The following LRFN2 variants were observed in gnomAD, a reference collection of about 807,000 sequenced individuals.
LRFN2 encodes the protein leucine-rich repeat and fibronectin type-III domain-containing protein 2.
Under a neutral mutation model 37.3 loss-of-function variants are expected in LRFN2, and 18 were observed. The ratio of observed to expected loss-of-function variants is 0.48; its 90% CI spans 0.33 to 0.72. The LOEUF (loss-of-function observed/expected upper bound fraction) is 0.72, where lower values mean the gene tolerates loss of function less well. Ranked by LOEUF, LRFN2 falls within the 30% of genes least tolerant of loss-of-function variation. The pLI, the probability that LRFN2 is intolerant of heterozygous loss-of-function variation, is 0.02. For synonymous variants in LRFN2, 556 were observed against 466.6 expected (o/e 1.19, Z -2.47); for missense variants, 1,006 against 1,060.7 (o/e 0.95, Z 0.72).
chr6:40,518,825 G>T (rs1765963286), intron 1 of LRFN2, among the ~76,000 whole-genome samples: 1 of 152,200 alleles, frequency 6.6e-6, no homozygotes, highest in South Asian at 2.1e-4. Context: ...AAACTGTGGT[G>T]CATGTTACCC....
chr6:40,437,889 A>G (rs975172246), intron 1 of LRFN2, among the ~76,000 whole-genome samples: 1 of 152,198 alleles, frequency 6.6e-6, no homozygotes, highest in Non-Finnish European at 1.5e-5. Context: ...TGGGCTCACA[A>G]CAGAATATTC....
At chr6:40,422,111 G>C (rs773622637) in intron 2 of LRFN2, among the ~76,000 whole-genome samples, 5 of 152,174 alleles carry the variant, frequency 3.3e-5, no homozygotes, top group Non-Finnish European at 7.3e-5. Flanking sequence ...AATGCACATG[G>C]TGTTTTGTTT....
chr6:40,532,930 A>G (rs1312037461), intron 1 of LRFN2, among the ~76,000 whole-genome samples: 1 of 152,206 alleles, frequency 6.6e-6, no homozygotes, highest in African/African-American at 2.4e-5. Flanking sequence ...TCCGTAGCTT[A>G]GTTCACCTGG....
At chr6:40,424,643 A>G (rs1424010749) in intron 2 of LRFN2, among the ~76,000 whole-genome samples, 1 of 152,178 alleles carries the variant, frequency 6.6e-6, no homozygotes, top group African/African-American at 2.4e-5. Context: ...GCTCTGACCA[A>G]GGAGCTGCCT....
At chr6:40,532,919 A>T (rs1766373721) in intron 1 of LRFN2, among the ~76,000 whole-genome samples, 1 of 152,186 alleles carries the variant, frequency 6.6e-6, no homozygotes, top group Admixed American at 6.5e-5. Context: ...GCTTCATCAC[A>T]TCCGTAGCTT....
At chr6:40,524,101 A>G (rs1453489449) in intron 1 of LRFN2, among the ~76,000 whole-genome samples, 1 of 152,250 alleles carries the variant, frequency 6.6e-6, no homozygotes, top group Non-Finnish European at 1.5e-5. Context: ...ACAGGGGTAC[A>G]GGAAAACTGG....
chr6:40,431,094 TTCTC>T (rs142703901), intron 2 of LRFN2, among the ~76,000 whole-genome samples: 2 of 152,030 alleles, frequency 1.3e-5, no homozygotes, highest in African/African-American at 4.8e-5. Flanking sequence ...CTCCCTCCCT[TTCTC>T]TCTCTCTTTT....
At position 40,391,745 on chromosome 6, in the gene LRFN2, C is replaced by T. The variant is rs1246618540; in HGVS notation, c.*198G>A. The T allele has an allele frequency of 1.6e-5, 8 of 499,778 alleles. No homozygotes were observed. Among genetic ancestry groups the T allele is most frequent in the Non-Finnish European group, 2.7e-5 (8 of 293,972 alleles). 31.0% of individuals were successfully genotyped at this position (499,778 alleles called of 1,614,324 possible). On this transcript the variant is annotated 3_prime_UTR_variant, in exon 3 of 3. Coordinates refer to ENST00000338305, the MANE Select transcript of LRFN2 (RefSeq NM_020737.3). The stretch of plus-strand genomic sequence containing the variant: ...TCCGGCATTTGAGCGAGTCCACATT[C>T]CCTGAGCACACCCCGGCCGGGTGGT...
intron 2 of LRFN2, among the ~76,000 whole-genome samples, chr6:40,404,580 T>G (rs1762806004): frequency 6.6e-6 from 1 of 152,230 alleles, no homozygotes; most frequent in African/African-American, 2.4e-5. Flanking sequence ...AGTGCCACTG[T>G]GTGACATTTC....
intron 1 of LRFN2, among the ~76,000 whole-genome samples, chr6:40,544,468 C>T (rs1766617978): frequency 6.6e-6 from 1 of 152,206 alleles, no homozygotes; most frequent in African/African-American, 2.4e-5. Flanking sequence ...CATGTGTGTG[C>T]CTGTGTTCCC....
chr6:40,398,845 C>T (rs1331677815), intron 2 of LRFN2, among the ~76,000 whole-genome samples: 1 of 151,850 alleles, frequency 6.6e-6, no homozygotes, highest in Non-Finnish European at 1.5e-5. Context: ...ATTGTTCATT[C>T]AGCTTAACAC....
intron 1 of LRFN2, among the ~76,000 whole-genome samples, chr6:40,511,688 A>G (rs999468383): frequency 2.0e-5 from 3 of 152,174 alleles, no homozygotes; most frequent in Non-Finnish European, 4.4e-5. Flanking sequence ...AGAGGGAGGA[A>G]GGGCAGGGCA....
intron 1 of LRFN2, among the ~76,000 whole-genome samples, chr6:40,507,096 A>G (rs1765564412): frequency 6.6e-6 from 1 of 152,216 alleles, no homozygotes; most frequent in Non-Finnish European, 1.5e-5. Context: ...CGCGTGGATG[A>G]CGTCCTCCGC....
intron 1 of LRFN2, among the ~76,000 whole-genome samples, chr6:40,550,666 G>A (rs1215187676): frequency 1.3e-5 from 2 of 152,168 alleles, no homozygotes; most frequent in African/African-American, 4.8e-5. Context: ...AAATGGGAGT[G>A]GTATAGTTTT....
intron 1 of LRFN2, among the ~76,000 whole-genome samples, chr6:40,434,482 C>CTTTT (rs112476329): frequency 7.1e-6 from 1 of 141,692 alleles, no homozygotes; most frequent in Non-Finnish European, 1.5e-5. Context: ...CTTTTTTTTT[C>CTTTT]TTTTTTTTTT....
intron 1 of LRFN2, among the ~76,000 whole-genome samples, chr6:40,498,993 G>A (rs1479990668): frequency 3.9e-5 from 6 of 152,114 alleles, no homozygotes; most frequent in Non-Finnish European, 8.8e-5. Context: ...CCCAAACACA[G>A]GCTCAACAAA....
chr6:40,469,578 T>C (rs146254712), intron 1 of LRFN2, among the ~76,000 whole-genome samples: 43 of 152,246 alleles, frequency 2.8e-4, no homozygotes, highest in Non-Finnish European at 3.7e-4. Flanking sequence ...ATCATCTCCA[T>C]TGCATTTCTC....
At chr6:40,470,098 G>T (rs1437366461) in intron 1 of LRFN2, among the ~76,000 whole-genome samples, 1 of 152,198 alleles carries the variant, frequency 6.6e-6, no homozygotes, top group Admixed American at 6.5e-5. Context: ...TAAAGCACAT[G>T]TCTGGGTCTG....
intron 2 of LRFN2, among the ~76,000 whole-genome samples, chr6:40,394,523 A>G (rs535587588): frequency 6.6e-6 from 1 of 152,306 alleles, no homozygotes; most frequent in East Asian, 1.9e-4. Flanking sequence ...GAGGACTGGA[A>G]CTGACAGACA....
Sources: allele counts gnomAD v4.1 joint callset (sites outside exome capture counted in the v4.1 genomes callset), GRCh38; gene constraint gnomAD v4.1.1; transcripts MANE v1.5; gene names NCBI Gene and HGNC (gene_info 2026-07-23, HGNC 2026-07-21).